Variants in BCL11B observed in about 807,000 individuals in gnomAD.
The protein encoded by BCL11B is BCL11 transcription factor B.
BCL11B carries 8 observed loss-of-function variants against 49.9 expected under a neutral mutation model. The observed-to-expected ratio is 0.16, with a 90% CI of 0.09 to 0.29. The LOEUF (loss-of-function observed/expected upper bound fraction) is 0.29. Ranked by LOEUF, BCL11B falls within the 10% of genes least tolerant of loss-of-function variation. BCL11B has a pLI of 1.00. For missense variants in BCL11B, 1,006 were observed against 1,351.0 expected (o/e 0.74, Z 4.00); for synonymous variants, 739 against 637.4 (o/e 1.16, Z -2.40).
In BCL11B at chr14:99,169,982, T is replaced by A. The variant is rs186555275; in HGVS notation, c.*4169A>T. 1.0e-4 allele frequency: 23 copies of A among 228,960 alleles called. No homozygotes were observed. Among genetic ancestry groups the A allele is most frequent in the African/African-American group, 5.1e-4 (23 of 45,148 alleles). 14.2% of individuals were successfully genotyped at this position (228,960 alleles called of 1,614,324 possible). ...GCTAGAGGCCTCTCTCTCGGGATCA[T>A]CTGCTTCCGTGTTGGTTTTTTAAAC... On this transcript the variant is annotated 3_prime_UTR_variant, in exon 4 of 4. Transcript: ENST00000357195.
intron 1 of BCL11B, among the ~76,000 whole-genome samples, chr14:99,260,562 C>T (rs898564750): frequency 6.6e-6 from 1 of 152,192 alleles, no homozygotes; most frequent in Non-Finnish European, 1.5e-5. Flanking sequence ...TAGCAGAGGT[C>T]ACACGTGCCT....
chr14:99,263,061 G>A (rs1186159819), intron 1 of BCL11B: 2 of 152,496 alleles, frequency 1.3e-5, no homozygotes, highest in East Asian at 3.9e-4. Flanking sequence ...GGGTCTCGAA[G>A]GGTTATTAGG....
At chr14:99,235,512 A>T (rs1025328904) in intron 2 of BCL11B, among the ~76,000 whole-genome samples, 10 of 152,222 alleles carry the variant, frequency 6.6e-5, no homozygotes, top group Non-Finnish European at 1.2e-4. Context: ...ACATGGCTTC[A>T]TATGCAAATT....
At chr14:99,199,703 CACGT>C (rs1566806813) in intron 3 of BCL11B, among the ~76,000 whole-genome samples, 1 of 66,050 alleles carries the variant, frequency 1.5e-5, no homozygotes, top group African/African-American at 3.8e-5. Flanking sequence ...CGCGCACGTG[CACGT>C]GTGTGCGTGT....
Position 99,257,353 on chromosome 14 carries a change from G to A in BCL11B, c.427+118C>T, listed in dbSNP as rs887976469. On this transcript the variant is annotated intron_variant, in intron 2 of 3. Transcript: ENST00000357195. The surrounding 1 kb of genome is among the most constrained non-coding windows in gnomAD (Gnocchi z 6.2). The stretch of plus-strand genomic sequence containing the variant: ...TCAGAAAGGGGGAGCCCCGGCTGGT[G>A]GCCCAGAGGCCATCCTGGAAGCCCC... 6 of 1,330,994 alleles carry A rather than the reference G, an allele frequency of 4.5e-6. No homozygotes were observed. The African/African-American group carries it at 8.9e-5, about 20-fold the overall frequency. The allele number at this position is 1,330,994 out of a possible 1,614,324, so 82.4% of individuals were successfully genotyped here.
rs1283220397 is a variant in BCL11B, at chr14:99,242,282, T to A, written c.428-10725A>T. Among the ~76,000 whole-genome samples, 1 of 152,234 alleles carries A rather than the reference T, an allele frequency of 6.6e-6. No individual in the cohort carries two copies. Among genetic ancestry groups the A allele is most frequent in the Admixed American group, 6.5e-5 (1 of 15,288 alleles). ...ATATTTACATGGGCGTTGCATGATC[T>A]TGTCCCCCTGCTTCCCTACCTTTTC... On this transcript the variant is annotated intron_variant, in intron 2 of 3. Coordinates refer to ENST00000357195, the MANE Select transcript of BCL11B (RefSeq NM_138576.4). The surrounding 1 kb of genome is among the most constrained non-coding windows in gnomAD (Gnocchi z 4.4).
chr14:99,171,301 T>C lies in BCL11B; in HGVS notation c.*2850A>G, dbSNP rs999874089. 1.3e-5 allele frequency: 3 copies of C among 225,614 alleles called. No individual in the cohort carries two copies. Among genetic ancestry groups the C allele is most frequent in the Admixed American group, 5.7e-5 (1 of 17,510 alleles). The allele number at this position is 225,614 out of a possible 1,614,324, so 14.0% of individuals were successfully genotyped here. ...TCCTTTTGTTTCTTTTTCTCAAAGG[T>C]TGTCAAACAACCCTTTTTCTCCTGT... On this transcript the variant is annotated 3_prime_UTR_variant, in exon 4 of 4. Coordinates refer to ENST00000357195, the MANE Select transcript of BCL11B (RefSeq NM_138576.4).
rs1887513237 is a variant in BCL11B, at chr14:99,205,623, C to T, written c.640+25722G>A. Reference sequence around the variant, plus strand: ...AAAAGGAGCCCAAAATTTGACAGGACATTTGAAGCATCCGCCCCCCTACCC... The same window carrying T: ...AAAAGGAGCCCAAAATTTGACAGGATATTTGAAGCATCCGCCCCCCTACCC... On this transcript the variant is annotated intron_variant, in intron 3 of 3. Transcript: ENST00000357195. This position sits in a 1 kb window ranked among gnomAD's most constrained non-coding sequence, Gnocchi z 5.0. 2.0e-5 allele frequency among the ~76,000 whole-genome samples: 3 copies of T among 152,220 alleles called. No homozygotes were observed. The South Asian group carries it at 6.2e-4, about 32-fold the overall frequency.
intron 2 of BCL11B, among the ~76,000 whole-genome samples, chr14:99,234,855 C>CAAA (rs34831762): frequency 1.4e-3 from 90 of 66,404 alleles, no homozygotes; most frequent in East Asian, 2.0e-3. Context: ...GGTCTATGCA[C>CAAA]AAAAAAAAAA....
chr14:99,209,814 T>C (rs549459029), intron 3 of BCL11B, among the ~76,000 whole-genome samples: 25 of 152,226 alleles, frequency 1.6e-4, no homozygotes, highest in African/African-American at 5.3e-4. Context: ...GCACCTTGAC[T>C]GCAAAACCAC....
intron 1 of BCL11B, among the ~76,000 whole-genome samples, chr14:99,260,358 GTCT>G (rs1490234049): frequency 6.6e-6 from 1 of 152,154 alleles, no homozygotes; most frequent in Non-Finnish European, 1.5e-5. Flanking sequence ...GGGCGAAGAG[GTCT>G]TCTTGGTTTT....
intron 3 of BCL11B, among the ~76,000 whole-genome samples, chr14:99,221,578 G>A (rs960191660): frequency 5.9e-5 from 9 of 152,256 alleles, no homozygotes; most frequent in Admixed American, 5.9e-4. Flanking sequence ...AAGGCCAGGC[G>A]GGAGGGGCAG....
At chr14:99,180,379 A>G (rs899675775) in intron 3 of BCL11B, among the ~76,000 whole-genome samples, 4 of 151,950 alleles carry the variant, frequency 2.6e-5, no homozygotes, top group Admixed American at 1.3e-4. Context: ...TTTCTCAGAC[A>G]TTTTTTGTAT....
At position 99,175,032 on chromosome 14, in the gene BCL11B, C is replaced by T. The variant is rs1401536995; in HGVS notation, c.1804G>A (p.Val602Met). 3.1e-6 allele frequency: 5 copies of T among 1,596,494 alleles called. No homozygotes were observed. The highest frequency in any genetic ancestry group is 2.3e-5 in the East Asian group (1 of 44,376). Residue 602 changes from valine to methionine, a missense_variant, in exon 4 of 4, where the codon GTG becomes ATG. Physicochemically the swap from Val to Met is conservative, Grantham distance 21. Coordinates refer to ENST00000357195, the MANE Select transcript of BCL11B (RefSeq NM_138576.4). Reference protein sequence around the residue: ...ALVLGKVMENVGLGALPQYGE... With the variant: ...ALVLGKVMENMGLGALPQYGE... ...TACTGCGGCAGTGCGCCTAGGCCCA[C>T]GTTCTCCATGACCTTGCCCAGCACC...
At chr14:99,227,193 C>T (rs1420466864) in intron 3 of BCL11B, among the ~76,000 whole-genome samples, 1 of 152,174 alleles carries the variant, frequency 6.6e-6, no homozygotes, top group African/African-American at 2.4e-5. Context: ...GAATGGAAAG[C>T]GAAGATCCAG....
rs930948843 is a variant in BCL11B at position 99,169,954 on chromosome 14, C to T, written c.*4197G>A. The T allele has an allele frequency of 1.7e-5, 4 of 229,896 alleles. No individual in the cohort carries two copies. The highest frequency in any genetic ancestry group is 8.9e-5 in the African/African-American group (4 of 45,094). 14.2% of individuals were successfully genotyped at this position (229,896 alleles called of 1,614,324 possible). On this transcript the variant is annotated 3_prime_UTR_variant, in exon 4 of 4. Transcript: ENST00000357195. ...CCGGCCTGAGGTCGGCTGGGTCACC[C>T]ATGCTAGAGGCCTCTCTCTCGGGAT... is the stretch of plus-strand genomic sequence containing the variant.
intron 3 of BCL11B, among the ~76,000 whole-genome samples, chr14:99,210,611 G>T (rs1887659187): frequency 6.6e-6 from 1 of 152,160 alleles, no homozygotes; most frequent in Non-Finnish European, 1.5e-5. Flanking sequence ...CCAAGAAACT[G>T]ACTTCCCCAG....
chr14:99,210,547 G>A (rs1380274048), intron 3 of BCL11B, among the ~76,000 whole-genome samples: 3 of 151,862 alleles, frequency 2.0e-5, no homozygotes, highest in Admixed American at 6.6e-5. Flanking sequence ...CAGCCCTTTC[G>A]TTCTGGATCT....
Position 99,248,882 on chromosome 14 carries a change from C to T in BCL11B, c.427+8589G>A, listed in dbSNP as rs1035756619. On this transcript the variant is annotated intron_variant, in intron 2 of 3. Coordinates refer to ENST00000357195, the MANE Select transcript of BCL11B (RefSeq NM_138576.4). The surrounding 1 kb of genome is among the most constrained non-coding windows in gnomAD (Gnocchi z 4.7). ...CAGAGACGGGGAAGATCTGTCTGCT[C>T]AAGGTCACACAGCATGCCAGCCACA... Among the ~76,000 whole-genome samples the T allele has an allele frequency of 6.6e-6, 1 of 152,156 alleles. No homozygotes were observed. Among genetic ancestry groups the T allele is most frequent in the African/African-American group, 2.4e-5 (1 of 41,422 alleles).
Sources: gnomAD v4.1 joint callset for allele counts (sites outside exome capture counted in the v4.1 genomes callset) on GRCh38, gnomAD v4.1.1 for gene constraint, Gnocchi (gnomAD v3.1) non-coding constraint, MANE v1.5 for transcripts, NCBI Gene and HGNC (gene_info 2026-07-23, HGNC 2026-07-21) for gene names.